Variants in PAFAH1B2 observed in about 807,000 individuals in gnomAD.
PAFAH1B2 encodes the protein platelet activating factor acetylhydrolase 1b catalytic subunit 2.
A neutral mutation model predicts 28.0 loss-of-function variants in PAFAH1B2; 8 were observed. The ratio of observed to expected loss-of-function variants is 0.29; its 90% confidence interval spans 0.17 to 0.52. The LOEUF (loss-of-function observed/expected upper bound fraction) is 0.52, where lower values mean the gene tolerates loss of function less well. Among genes scored for constraint, PAFAH1B2 ranks in the 20% least tolerant of loss-of-function variants. The probability of loss-of-function intolerance (pLI) is 0.97; values close to 1 mark genes in which losing one functional copy is unlikely to be tolerated. For missense variants in PAFAH1B2, 190 were observed against 282.6 expected (o/e 0.67, Z 2.35); for synonymous variants, 104 against 103.2 (o/e 1.01, Z -0.05).
chr11:117,157,922 G>C (rs1956288032), intron 2 of PAFAH1B2, among the ~76,000 whole-genome samples: 1 of 152,176 alleles, frequency 6.6e-6, no homozygotes, highest in Non-Finnish European at 1.5e-5. Flanking sequence ...TGGATCACCT[G>C]AGGTCAGGAG....
rs1167953597 is a variant in PAFAH1B2, at chr11:117,168,460, T to TTTTTTG, written c.*766_*767insGTTTTT. ...CCCGCCACCCCGTTTTTTTTTTTTT[T>TTTTTTG]TTTTTTTTTTTGGTTCTTGTTGACA... On this transcript the variant is annotated 3_prime_UTR_variant, in exon 6 of 6. Coordinates refer to ENST00000527958, the MANE Select transcript of PAFAH1B2 (RefSeq NM_002572.4). 2.1e-6 allele frequency: 2 copies of TTTTTTG among 963,804 alleles called. No individual in the cohort carries two copies. Among genetic ancestry groups the TTTTTTG allele is most frequent in the Non-Finnish European group, 2.5e-6 (2 of 803,586 alleles). The allele number at this position is 963,804 out of a possible 1,614,324, so 59.7% of individuals were successfully genotyped here.
At chr11:117,163,960 T>C (rs1956438387) in intron 5 of PAFAH1B2, 68 bp downstream of exon 5, 3 of 1,504,316 alleles carry the variant, frequency 2.0e-6, no homozygotes, top group African/African-American at 2.8e-5. Context: ...TTTAGAAATG[T>C]GATTGCTCAT....
intron 4 of PAFAH1B2, among the ~76,000 whole-genome samples, chr11:117,162,447 A>ATTT (rs11463525): frequency 9.1e-5 from 13 of 143,260 alleles, no homozygotes; most frequent in Non-Finnish European, 1.2e-4. Flanking sequence ...CGAGACTGTG[A>ATTT]TTTTTTTTTT....
chr11:117,168,446 G>GGTTGTTTTTTTTTTTTTTTTT lies in PAFAH1B2; in HGVS notation c.*747_*748insGTTGTTTTTTTTTTTTTTTTT. ...TCCCCTTCATTCCCCCCGCCACCCCGTTTTTTTTTTTTTTTTTTTTTTTTT... is the reference window on the plus strand; with the variant it reads ...TCCCCTTCATTCCCCCCGCCACCCCGGTTGTTTTTTTTTTTTTTTTTTTTTTTTTTTTTTTTTTTTTTTTTT... On this transcript the variant is annotated 3_prime_UTR_variant, in exon 6 of 6. Coordinates refer to ENST00000527958, the MANE Select transcript of PAFAH1B2 (RefSeq NM_002572.4). The GGTTGTTTTTTTTTTTTTTTTT allele has an allele frequency of 1.7e-5, 4 of 234,814 alleles. No homozygotes were observed. The highest frequency in any genetic ancestry group is 2.0e-5 in the Non-Finnish European group (4 of 200,702). 14.5% of individuals were successfully genotyped at this position (234,814 alleles called of 1,614,324 possible). A position where few individuals can be genotyped will look rare whatever the true frequency, so the allele number is the denominator to read the frequency against.
chr11:117,149,496 G>A (rs1253477186), intron 1 of PAFAH1B2, among the ~76,000 whole-genome samples: 4 of 129,728 alleles, frequency 3.1e-5, no homozygotes, highest in South Asian at 2.4e-4. Flanking sequence ...GCACGATCTC[G>A]GCTTACTGCA....
At chr11:117,159,355 A>T (rs1044489043) in intron 2 of PAFAH1B2, 1 of 152,252 alleles carries the variant, frequency 6.6e-6, no homozygotes, top group Non-Finnish European at 1.5e-5. Context: ...AAAATGTTCA[A>T]CAACAGTAAC....
chr11:117,174,851 A>G (rs962112123), downstream of PAFAH1B2: 71 of 1,302,822 alleles, frequency 5.4e-5, no homozygotes, highest in African/African-American at 9.5e-4. Context: ...CTGACTTCAG[A>G]TGATCCAACC....
Position 117,169,180 on chromosome 11 carries a change from A to G in PAFAH1B2, c.*1481A>G. On this transcript the variant is annotated 3_prime_UTR_variant, in exon 6 of 6. Coordinates refer to ENST00000527958, the MANE Select transcript of PAFAH1B2 (RefSeq NM_002572.4). ...GAAGCTGCTCTTCAGCATAGACACTACCTTTATCCCATCATTTTAGTAAAA... is the reference window on the plus strand; with the variant it reads ...GAAGCTGCTCTTCAGCATAGACACTGCCTTTATCCCATCATTTTAGTAAAA... 1 of 1,030,376 alleles carries G rather than the reference A, an allele frequency of 9.7e-7. No individual in the cohort carries two copies. The highest frequency in any genetic ancestry group is 1.2e-6 in the Non-Finnish European group (1 of 857,156). The allele number at this position is 1,030,376 out of a possible 1,614,324, so 63.8% of individuals were successfully genotyped here. A position where few individuals can be genotyped will look rare whatever the true frequency, so the allele number is the denominator to read the frequency against.
In PAFAH1B2 at chr11:117,160,968, T is replaced by C. The variant is rs563842213; in HGVS notation, c.172-177T>C. 6.2e-4 allele frequency among the ~76,000 whole-genome samples: 94 copies of C among 152,178 alleles called. 1 individual carries two copies. Among genetic ancestry groups the C allele is most frequent in the Non-Finnish European group, 1.2e-3 (80 of 68,040 alleles). ...CATTTCTTGAGCTGAGACCTAAGGCTGCATTAAGAACTGAGTTACACAATG... is the reference window on the plus strand; with the variant it reads ...CATTTCTTGAGCTGAGACCTAAGGCCGCATTAAGAACTGAGTTACACAATG... On this transcript the variant is annotated intron_variant, in intron 3 of 5. Transcript: ENST00000527958.
chr11:117,173,210 C>T (rs1218985162), downstream of PAFAH1B2, among the ~76,000 whole-genome samples: 1 of 152,176 alleles, frequency 6.6e-6, no homozygotes, highest in African/African-American at 2.4e-5. Context: ...AGATGCAGGG[C>T]CTGAGTATAT....
downstream of PAFAH1B2, among the ~76,000 whole-genome samples, chr11:117,172,346 CT>C (rs1288536240): frequency 9.5e-6 from 1 of 105,162 alleles, no homozygotes; most frequent in Admixed American, 1.2e-4. Flanking sequence ...TTCATTCTAG[CT>C]TTATATATAT....
chr11:117,158,992 G>A (rs969830363), intron 2 of PAFAH1B2, among the ~76,000 whole-genome samples: 1 of 152,082 alleles, frequency 6.6e-6, no homozygotes, highest in Admixed American at 6.6e-5. Flanking sequence ...TGCTGATTAG[G>A]GTGAAGAATC....
At chr11:117,153,646 C>T (rs1355589815) in intron 2 of PAFAH1B2, among the ~76,000 whole-genome samples, 1 of 152,162 alleles carries the variant, frequency 6.6e-6, no homozygotes, top group Non-Finnish European at 1.5e-5. Flanking sequence ...CTGTCTAGGC[C>T]TCCCAAAGTG....
chr11:117,166,916 T>C (rs1210131184), intron 5 of PAFAH1B2, among the ~76,000 whole-genome samples: 1 of 152,152 alleles, frequency 6.6e-6, no homozygotes, highest in Non-Finnish European at 1.5e-5. Flanking sequence ...GCTATAGCAG[T>C]GTATATAATC....
downstream of PAFAH1B2, among the ~76,000 whole-genome samples, chr11:117,172,700 C>T (rs540315289): frequency 3.3e-5 from 5 of 152,148 alleles, no homozygotes; most frequent in Admixed American, 2.6e-4. Flanking sequence ...GCTGGTCTAG[C>T]TCCTACTCTA....
intron 1 of PAFAH1B2, among the ~76,000 whole-genome samples, chr11:117,151,814 C>T (rs1956158338): frequency 1.3e-5 from 2 of 152,040 alleles, no homozygotes; most frequent in Admixed American, 1.3e-4. Flanking sequence ...TCACGCCATT[C>T]TTCTGCCTCA....
rs1331326415 is a variant in PAFAH1B2, at chr11:117,161,136, T to C, written c.172-9T>C. On this transcript the variant is annotated splice_polypyrimidine_tract_variant and intron_variant, in intron 3 of 5. Transcript: ENST00000527958. ...TTAGGTACACTAAATCAAGTTTTTC[T>C]TTTTTTAGATATGGCGAGAGCTTTT... 1.3e-6 allele frequency: 2 copies of C among 1,565,116 alleles called. No homozygotes were observed. The highest frequency in any genetic ancestry group is 8.7e-7 in the Non-Finnish European group (1 of 1,155,332).
At chr11:117,153,263 AC>A (rs1348953770) in intron 2 of PAFAH1B2, among the ~76,000 whole-genome samples, 1 of 152,228 alleles carries the variant, frequency 6.6e-6, no homozygotes, top group African/African-American at 2.4e-5. Context: ...TTTCAAAACT[AC>A]ACAAATGTTA....
chr11:117,157,225 G>A (rs1956272959), intron 2 of PAFAH1B2, among the ~76,000 whole-genome samples: 1 of 151,932 alleles, frequency 6.6e-6, no homozygotes, highest in Non-Finnish European at 1.5e-5. Context: ...GGAAAAAGCT[G>A]TCCCTAATCC....
Sources: allele counts gnomAD v4.1 joint callset (sites outside exome capture counted in the v4.1 genomes callset), GRCh38; gene constraint gnomAD v4.1.1; transcripts MANE v1.5; gene names NCBI Gene and HGNC (gene_info 2026-07-23, HGNC 2026-07-21).